LRRFIP1: variants seen among roughly 807,000 people sequenced by gnomAD.
LRRFIP1 encodes the protein LRR binding FLII interacting protein 1, also known as leucine-rich repeat flightless-interacting protein 1.
LRRFIP1 carries 62 observed loss-of-function variants against 104.4 expected under a neutral mutation model. The observed-to-expected ratio is 0.59, with a 90% CI of 0.48 to 0.73. The LOEUF is 0.73. Ranked by LOEUF, LRRFIP1 falls within the 30% of genes least tolerant of loss-of-function variation. LRRFIP1 has a pLI of 0.00. For missense variants in LRRFIP1, 796 were observed against 824.5 expected (o/e 0.97, Z 0.42); for synonymous variants, 300 against 299.0 (o/e 1.00, Z -0.03).
At chr2:237,644,842 G>C (rs1198760669) in intron 1 of LRRFIP1, among the ~76,000 whole-genome samples, 2 of 152,212 alleles carry the variant, frequency 1.3e-5, no homozygotes, top group African/African-American at 2.4e-5. Context: ...GTATCTTGTA[G>C]AATTTGGATT....
chr2:237,751,403 A>G (rs1296747828), intron 14 of LRRFIP1, 132 bp downstream of exon 14: 2 of 690,800 alleles, frequency 2.9e-6, no homozygotes, highest in African/African-American at 3.6e-5. Flanking sequence ...AGAACTCACA[A>G]TGGCAGGAGT....
chr2:237,631,314 G>A (rs2082305040), intron 1 of LRRFIP1, among the ~76,000 whole-genome samples: 1 of 152,222 alleles, frequency 6.6e-6, no homozygotes, highest in Non-Finnish European at 1.5e-5. Flanking sequence ...CCCTGTGCAG[G>A]CAGGGCTTTG....
chr2:237,653,378 A>C (rs933771841), intron 1 of LRRFIP1, among the ~76,000 whole-genome samples: 1 of 152,266 alleles, frequency 6.6e-6, no homozygotes, highest in Non-Finnish European at 1.5e-5. Context: ...ATAAATGTGA[A>C]GATATCCCAT....
At chr2:237,733,918 C>G in intron 9 of LRRFIP1, 100 bp downstream of exon 9, 1 of 1,309,182 alleles carries the variant, frequency 7.6e-7, no homozygotes, top group South Asian at 1.2e-5. Context: ...TCCCAGCCCC[C>G]TGGGGGAAGT....
intron 1 of LRRFIP1, among the ~76,000 whole-genome samples, chr2:237,635,313 G>T (rs960975219): frequency 1.3e-5 from 2 of 152,130 alleles, no homozygotes; most frequent in Non-Finnish European, 2.9e-5. Context: ...ATTGGAAAAA[G>T]TAATATACAG....
chr2:237,767,015 T>C (rs757340280), intron 19 of LRRFIP1, among the ~76,000 whole-genome samples: 1 of 151,768 alleles, frequency 6.6e-6, no homozygotes, highest in Non-Finnish European at 1.5e-5. Flanking sequence ...ACAAAAAAAA[T>C]ATACAAACAA....
chr2:237,728,072 C>T (rs1459729383), intron 8 of LRRFIP1, 137 bp downstream of exon 8: 2 of 620,532 alleles, frequency 3.2e-6, no homozygotes, highest in Non-Finnish European at 5.6e-6. Flanking sequence ...CTTTTTTTTC[C>T]TAGCACATGA....
chr2:237,636,352 CTTT>C (rs59582281), intron 1 of LRRFIP1, among the ~76,000 whole-genome samples: 2 of 124,394 alleles, frequency 1.6e-5, no homozygotes, highest in Non-Finnish European at 3.5e-5. Flanking sequence ...CCTTTCTTTT[CTTT>C]TTTTTTTTTT....
intron 13 of LRRFIP1, among the ~76,000 whole-genome samples, chr2:237,750,034 AG>A (rs1430785839): frequency 6.6e-6 from 1 of 152,082 alleles, no homozygotes; most frequent in Non-Finnish European, 1.5e-5. Context: ...AGCTGAAAGG[AG>A]CCAGAACTGA....
In LRRFIP1 at chr2:237,740,836, G is replaced by A. The variant is rs561525267; in HGVS notation, c.633+1527G>A. On this transcript the variant is annotated intron_variant, in intron 11 of 23. Coordinates refer to ENST00000308482, the MANE Select transcript of LRRFIP1 (RefSeq NM_001137550.2). Reference sequence around the variant, plus strand: ...ACTATTTTCGTGACCCCGAGGCCACGGCCCAGGTGCCATTCATCACTGTGC... The same window carrying A: ...ACTATTTTCGTGACCCCGAGGCCACAGCCCAGGTGCCATTCATCACTGTGC... 3.3e-4 allele frequency among the ~76,000 whole-genome samples: 50 copies of A among 151,564 alleles called. 1 individual carries two copies. The South Asian group carries it at 0.01, about 31-fold the overall frequency.
intron 19 of LRRFIP1, among the ~76,000 whole-genome samples, chr2:237,760,954 A>G (rs190408295): frequency 6.2e-4 from 94 of 152,186 alleles, no homozygotes; most frequent in African/African-American, 2.1e-3. Flanking sequence ...TTTGGGAGAA[A>G]CCTTCAGATT....
chr2:237,702,043 C>G (rs567963105), intron 1 of LRRFIP1, among the ~76,000 whole-genome samples: 1 of 152,112 alleles, frequency 6.6e-6, no homozygotes, highest in Admixed American at 6.5e-5. Flanking sequence ...TAGACTTGGG[C>G]TCCACAGCAG....
chr2:237,753,340 A>C lies in LRRFIP1; in HGVS notation c.899A>C (p.Lys300Thr). ...DSLAEVEEKYKKAMVSNAQLD... is the reference protein window; with the variant it reads ...DSLAEVEEKYTKAMVSNAQLD... ...CTAGCAGAAGTTGAAGAGAAATATAAGAAGGCTATGGTTTCCAATGCTCAG... is the reference window on the plus strand; with the variant it reads ...CTAGCAGAAGTTGAAGAGAAATATACGAAGGCTATGGTTTCCAATGCTCAG... The change falls in exon 15 of 24, where the codon AAG becomes ACG. Residue 300 changes from lysine to threonine, a missense_variant. Coordinates refer to ENST00000308482, the MANE Select transcript of LRRFIP1 (RefSeq NM_001137550.2). 3 of 1,592,556 alleles carry C rather than the reference A, an allele frequency of 1.9e-6. No homozygotes were observed. Among genetic ancestry groups the C allele is most frequent in the Non-Finnish European group, 2.6e-6 (3 of 1,174,980 alleles).
rs1363177581 is a variant in LRRFIP1, at chr2:237,691,672, C to T, written c.97-16872C>T. Among the ~76,000 whole-genome samples, 1 of 152,030 alleles carries T rather than the reference C, an allele frequency of 6.6e-6. No homozygotes were observed. The highest frequency in any genetic ancestry group is 1.5e-5 in the Non-Finnish European group (1 of 67,956). On this transcript the variant is annotated intron_variant, in intron 1 of 23. Transcript: ENST00000308482. The surrounding 1 kb of genome is among the most constrained non-coding windows in gnomAD (Gnocchi z 5.4). ...GGGAGCCGGGAACTCATACCCTCGC[C>T]CAGCCCCGGGCAGGTCCCCCCCCGG...
At chr2:237,675,064 T>C (rs929320330) in intron 1 of LRRFIP1, among the ~76,000 whole-genome samples, 3 of 152,344 alleles carry the variant, frequency 2.0e-5, no homozygotes, top group Non-Finnish European at 4.4e-5. Flanking sequence ...TCACCCTGGC[T>C]GCAGTTGTTG....
chr2:237,758,373 T>G (rs573565354), intron 17 of LRRFIP1, among the ~76,000 whole-genome samples: 22 of 152,204 alleles, frequency 1.4e-4, no homozygotes, highest in Non-Finnish European at 2.8e-4. Flanking sequence ...TCCCTTTTCT[T>G]TACTGACCCC....
At chr2:237,657,665 G>T (rs1293751955) in intron 1 of LRRFIP1, among the ~76,000 whole-genome samples, 1 of 152,168 alleles carries the variant, frequency 6.6e-6, no homozygotes, top group Non-Finnish European at 1.5e-5. Context: ...AAAAATAAAA[G>T]AGGAGAAAAA....
At chr2:237,737,488 C>T (rs185448885) in intron 10 of LRRFIP1, among the ~76,000 whole-genome samples, 3 of 152,260 alleles carry the variant, frequency 2.0e-5, no homozygotes, top group Non-Finnish European at 1.5e-5. Flanking sequence ...TTCTTTTCTG[C>T]GTGATTAGGT....
rs2092794089 is a variant in LRRFIP1 at position 237,691,915 on chromosome 2, G to C, written c.97-16629G>C. 6.6e-6 allele frequency among the ~76,000 whole-genome samples: 1 copy of C among 151,286 alleles called. No homozygotes were observed. Among genetic ancestry groups the C allele is most frequent in the Admixed American group, 6.6e-5 (1 of 15,262 alleles). ...TTCCGAGACGGAGCGCGGGGGGCGG[G>C]GCGGGGCTCGCGTTAAGGGAGCGCG... is the stretch of plus-strand genomic sequence containing the variant. On this transcript the variant is annotated intron_variant, in intron 1 of 23. Transcript: ENST00000308482. This position sits in a 1 kb window ranked among gnomAD's most constrained non-coding sequence, Gnocchi z 5.4.
Sources: allele counts gnomAD v4.1 joint callset (sites outside exome capture counted in the v4.1 genomes callset), GRCh38; gene constraint gnomAD v4.1.1; non-coding constraint Gnocchi (gnomAD v3.1); transcripts MANE v1.5; gene names NCBI Gene and HGNC (gene_info 2026-07-23, HGNC 2026-07-21).